The following CMSS1 variants were observed in gnomAD, a reference collection of about 807,000 sequenced individuals.
The protein encoded by CMSS1 is protein CMSS1.
CMSS1 carries 33 observed loss-of-function variants against 43.5 expected under a neutral mutation model. That is an observed-to-expected ratio of 0.76 (90% CI 0.57 to 1.01). CMSS1 has a LOEUF of 1.01. CMSS1 is among the 50% of genes least tolerant of loss of function. The pLI is 0.00. For missense variants in CMSS1, 313 were observed against 326.4 expected, an observed-to-expected ratio of 0.96 and a Z score of 0.32; for synonymous variants, 115 against 117.2, an observed-to-expected ratio of 0.98 and a Z score of 0.12.
chr3:99,982,212 C>T (rs546990141), intron 1 of CMSS1, among the ~76,000 whole-genome samples: 1 of 152,002 alleles, frequency 6.6e-6, no homozygotes, highest in South Asian at 2.1e-4. Context: ...TATATGCATG[C>T]ATTTCTTATC....
At chr3:100,096,527 C>T (rs1170384199) in intron 1 of CMSS1, among the ~76,000 whole-genome samples, 1 of 152,008 alleles carries the variant, frequency 6.6e-6, no homozygotes, top group Non-Finnish European at 1.5e-5. Context: ...ACAAACATCA[C>T]ATGTTCTGAC....
rs562242333 is a variant in CMSS1, at chr3:100,180,807, C to A, written c.*2419C>A. On this transcript the variant is annotated 3_prime_UTR_variant, in exon 10 of 10. Coordinates refer to ENST00000421999, the MANE Select transcript of CMSS1 (RefSeq NM_032359.4). ...TTTAGGTATCTTTATAGAAATGTCC[C>A]ACTTCTCTGGTACCAATTTTTTGTA... 1 of 152,172 alleles carries A rather than the reference C, an allele frequency of 6.6e-6. No individual in the cohort carries two copies. Among genetic ancestry groups the A allele is most frequent in the Non-Finnish European group, 1.5e-5 (1 of 68,008 alleles). The allele number at this position is 152,172 out of a possible 1,614,324, so 9.4% of individuals were successfully genotyped here. A position where few individuals can be genotyped will look rare whatever the true frequency, so the allele number is the denominator to read the frequency against.
At position 100,056,702 on chromosome 3, in the gene CMSS1, A is replaced by T. The variant is rs951933389; in HGVS notation, c.65-90271A>T. Among the ~76,000 whole-genome samples the T allele has an allele frequency of 2.9e-5, 3 of 102,100 alleles. 1 individual carries two copies. The highest frequency in any genetic ancestry group is 1.1e-4 in the Admixed American group (1 of 9,082). The allele number at this position is 102,100 out of a possible 152,430, so 67.0% of individuals were successfully genotyped here. A position where few individuals can be genotyped will look rare whatever the true frequency, so the allele number is the denominator to read the frequency against. On this transcript the variant is annotated intron_variant, in intron 1 of 9. Coordinates refer to ENST00000421999, the MANE Select transcript of CMSS1 (RefSeq NM_032359.4). ...AACCAGGTAGCAGCTCTAGACCATT[A>T]AAAAAAAAAAAATGGGGCCGGGCGC...
intron 2 of CMSS1, among the ~76,000 whole-genome samples, chr3:100,149,133 G>A (rs946725502): frequency 1.3e-5 from 2 of 151,938 alleles, no homozygotes; most frequent in Admixed American, 6.6e-5. Context: ...TTTTCTTCTT[G>A]TTTGTTCCTT....
chr3:99,832,170 C>G (rs1028850536), intron 1 of CMSS1, among the ~76,000 whole-genome samples: 3 of 151,940 alleles, frequency 2.0e-5, no homozygotes, highest in African/African-American at 7.3e-5. Context: ...TAGTTTTTAC[C>G]TCTAGATGGC....
At chr3:99,902,764 C>G (rs1351825569) in intron 1 of CMSS1, among the ~76,000 whole-genome samples, 1 of 152,010 alleles carries the variant, frequency 6.6e-6, no homozygotes, top group Admixed American at 6.5e-5. Context: ...ATTCTAGTTG[C>G]CTGTCATGGA....
intron 1 of CMSS1, among the ~76,000 whole-genome samples, chr3:99,890,993 C>T (rs793466): frequency 0.27 from 40,278 of 151,828 alleles, 6,046 homozygotes; most frequent in Admixed American, 0.34. Context: ...TATTTTCAGC[C>T]TAAAATCTTT....
chr3:100,088,464 T>A (rs961209649), intron 1 of CMSS1, among the ~76,000 whole-genome samples: 1 of 152,258 alleles, frequency 6.6e-6, no homozygotes, highest in South Asian at 2.1e-4. Flanking sequence ...ATTTTCTGAT[T>A]GAAATTAACT....
chr3:100,121,069 T>C (rs1265580217), intron 1 of CMSS1, among the ~76,000 whole-genome samples: 11 of 152,150 alleles, frequency 7.2e-5, no homozygotes, highest in Admixed American at 7.2e-4. Flanking sequence ...TCACAGCTTC[T>C]CCAAAGTGAC....
At chr3:99,962,063 A>G (rs6792339) in intron 1 of CMSS1, among the ~76,000 whole-genome samples, 14,639 of 152,250 alleles carry the variant, frequency 0.096, 843 homozygotes, top group African/African-American at 0.16. Flanking sequence ...CCACACAAGC[A>G]AAGTCCTGAA....
At chr3:100,061,085 C>T (rs1395215626) in intron 1 of CMSS1, among the ~76,000 whole-genome samples, 2 of 151,514 alleles carry the variant, frequency 1.3e-5, no homozygotes, top group Admixed American at 1.3e-4. Context: ...AATAGATGTG[C>T]ACATAGAAGT....
intron 1 of CMSS1, among the ~76,000 whole-genome samples, chr3:99,847,275 G>C (rs1943406635): frequency 6.6e-6 from 1 of 150,618 alleles, no homozygotes; most frequent in Non-Finnish European, 1.5e-5. Flanking sequence ...GAACAGGGTA[G>C]GTAGCACCTA....
At chr3:99,943,374 G>A (rs1286823502) in intron 1 of CMSS1, among the ~76,000 whole-genome samples, 3 of 151,992 alleles carry the variant, frequency 2.0e-5, no homozygotes, top group Admixed American at 6.6e-5. Flanking sequence ...TAATAACTCC[G>A]GGCTTTTATT....
At chr3:100,140,022 C>G (rs2066792531) in intron 1 of CMSS1, among the ~76,000 whole-genome samples, 1 of 152,108 alleles carries the variant, frequency 6.6e-6, no homozygotes, top group South Asian at 2.1e-4. Flanking sequence ...AGTTACACAA[C>G]TGTATGCATT....
intron 1 of CMSS1, among the ~76,000 whole-genome samples, chr3:99,885,853 C>T (rs530508347): frequency 1.3e-5 from 2 of 152,256 alleles, no homozygotes; most frequent in African/African-American, 4.8e-5. Context: ...AAATGAAGAA[C>T]AATACAGCTC....
chr3:100,042,573 A>T (rs1023923910), intron 1 of CMSS1, among the ~76,000 whole-genome samples: 1 of 152,230 alleles, frequency 6.6e-6, no homozygotes, highest in Non-Finnish European at 1.5e-5. Flanking sequence ...TTGGTAATCC[A>T]TGTATGGTTC....
chr3:100,047,426 C>T (rs1487777715), intron 1 of CMSS1, among the ~76,000 whole-genome samples: 1 of 152,148 alleles, frequency 6.6e-6, no homozygotes, highest in Non-Finnish European at 1.5e-5. Flanking sequence ...TATGACTTAA[C>T]TCCAAATTCT....
chr3:100,098,508 G>T (rs1258778461), intron 1 of CMSS1, among the ~76,000 whole-genome samples: 1 of 152,194 alleles, frequency 6.6e-6, no homozygotes, highest in Non-Finnish European at 1.5e-5. Context: ...AAGCACTCAA[G>T]AATTGTTAGC....
intron 1 of CMSS1, among the ~76,000 whole-genome samples, chr3:100,012,489 C>A (rs1710186202): frequency 6.6e-6 from 1 of 151,912 alleles, no homozygotes; most frequent in Non-Finnish European, 1.5e-5. Flanking sequence ...AATCAAGAGC[C>A]TTAAGGACTA....
Sources: gnomAD v4.1 joint callset for allele counts (sites outside exome capture counted in the v4.1 genomes callset) on GRCh38, gnomAD v4.1.1 for gene constraint, MANE v1.5 for transcripts, NCBI Gene and HGNC (gene_info 2026-07-23, HGNC 2026-07-21) for gene names.